SLX4IP: variants seen among roughly 807,000 people sequenced by gnomAD.
SLX4IP encodes the protein SLX4 interacting protein, also known as protein SLX4IP.
A neutral mutation model predicts 32.9 loss-of-function variants in SLX4IP; 34 were observed. That is an observed-to-expected ratio of 1.03 (90% CI 0.79 to 1.38). SLX4IP has a LOEUF of 1.38. Ranked by LOEUF, SLX4IP falls within the 40% of genes most tolerant of loss-of-function variation. The pLI, the probability that SLX4IP is intolerant of heterozygous loss-of-function variation, is 0.00. For synonymous variants in SLX4IP, 172 were observed against 171.7 expected (o/e 1.00, Z -0.01); for missense variants, 444 against 479.0 (o/e 0.93, Z 0.68).
intron 2 of SLX4IP, among the ~76,000 whole-genome samples, chr20:10,531,378 C>T (rs547181590): frequency 6.6e-6 from 1 of 152,280 alleles, no homozygotes; most frequent in East Asian, 1.9e-4. Context: ...ATTATATGTC[C>T]TCTATGGTCT....
Position 10,623,283 on chromosome 20 carries a change from G to A in SLX4IP, c.1131G>A (p.Gln377=). The change falls in exon 8 of 8, where the codon CAG becomes CAA. Residue 377 remains glutamine, a synonymous_variant. Transcript: ENST00000334534. ...ATCTTATGAAAAATAACCCAGGGCA[G>A]GCACAGCAAACCGGCTTAGCCACAA... ...SRHLMKNNPG[Q]AQQTGLATNT... 6.2e-7 allele frequency: 1 copy of A among 1,614,152 alleles called. No homozygotes were observed. Among genetic ancestry groups the A allele is most frequent in the Non-Finnish European group, 8.5e-7 (1 of 1,180,030 alleles).
intron 2 of SLX4IP, among the ~76,000 whole-genome samples, chr20:10,502,586 A>G (rs896934204): frequency 4.2e-5 from 6 of 142,634 alleles, no homozygotes; most frequent in East Asian, 3.9e-4. Flanking sequence ...GCTGCCTACA[A>G]TGCTCTTCCC....
intron 4 of SLX4IP, among the ~76,000 whole-genome samples, chr20:10,561,832 C>T (rs1172793283): frequency 1.3e-5 from 2 of 152,196 alleles, no homozygotes; most frequent in Non-Finnish European, 2.9e-5. Flanking sequence ...GCCATTAATT[C>T]ATTCCTTTTT....
Position 10,601,798 on chromosome 20 carries a change from A to G in SLX4IP, c.384A>G (p.Leu128=). 1 of 1,613,976 alleles carries G rather than the reference A, an allele frequency of 6.2e-7. No homozygotes were observed. The highest frequency in any genetic ancestry group is 8.5e-7 in the Non-Finnish European group (1 of 1,179,882). Residue 128 remains leucine (L), a synonymous_variant, in exon 6 of 8, where the codon TTA becomes TTG. Transcript: ENST00000334534. The part of the protein sequence containing the change: ...VSQLAFSRDL[L]ASQNEDLTER... ...AGCTTGCATTCAGTCGTGATCTTTT[A>G]GCAAGTCAGAATGAAGATTTGGTGA...
intron 6 of SLX4IP, chr20:10,613,475 T>A: frequency 6.2e-7 from 1 of 1,602,358 alleles, no homozygotes; most frequent in Non-Finnish European, 8.5e-7. Context: ...TTTTCCCTCC[T>A]CCTTTGGAAG....
chr20:10,447,693 TTTC>T (rs2122326037), intron 1 of SLX4IP, among the ~76,000 whole-genome samples: 1 of 152,110 alleles, frequency 6.6e-6, no homozygotes, highest in East Asian at 1.9e-4. Context: ...ATGTGCCTTT[TTTC>T]TTCTTTAGTT....
intron 1 of SLX4IP, among the ~76,000 whole-genome samples, chr20:10,445,172 A>G (rs1331782981): frequency 6.6e-6 from 1 of 152,024 alleles, no homozygotes; most frequent in Non-Finnish European, 1.5e-5. Flanking sequence ...GGCCTAAATA[A>G]CAGAAGGGAT....
intron 2 of SLX4IP, among the ~76,000 whole-genome samples, chr20:10,552,786 A>G (rs2066230302): frequency 6.6e-6 from 1 of 151,892 alleles, no homozygotes; most frequent in South Asian, 2.1e-4. Flanking sequence ...CTGTTACAGT[A>G]TCAATTCAAG....
intron 2 of SLX4IP, among the ~76,000 whole-genome samples, chr20:10,498,901 G>A (rs371211876): frequency 7.9e-5 from 12 of 151,878 alleles, no homozygotes; most frequent in Non-Finnish European, 1.5e-4. Flanking sequence ...GAACAATAGC[G>A]ATTCTTATTG....
intron 2 of SLX4IP, among the ~76,000 whole-genome samples, chr20:10,525,106 T>C (rs80259603): frequency 6.6e-6 from 1 of 152,222 alleles, no homozygotes; most frequent in Non-Finnish European, 1.5e-5. Flanking sequence ...ATAAAATCTT[T>C]ACAATCTGAT....
At chr20:10,556,627 T>C (rs926113550) in intron 3 of SLX4IP, among the ~76,000 whole-genome samples, 5 of 152,204 alleles carry the variant, frequency 3.3e-5, no homozygotes, top group Non-Finnish European at 7.3e-5. Context: ...TTAAAGTGAC[T>C]ATTTCAGTAA....
At chr20:10,446,198 G>A (rs1012784322) in intron 1 of SLX4IP, among the ~76,000 whole-genome samples, 9 of 151,806 alleles carry the variant, frequency 5.9e-5, no homozygotes, top group Admixed American at 5.9e-4. Flanking sequence ...TGGATCACAA[G>A]GTCAGGAGTT....
Position 10,627,485 on chromosome 20 carries a change from T to C in SLX4IP, c.*4106T>C, listed in dbSNP as rs2067186644. 1.3e-5 allele frequency: 2 copies of C among 152,224 alleles called. No homozygotes were observed. The highest frequency in any genetic ancestry group is 4.8e-5 in the African/African-American group (2 of 41,450). The allele number at this position is 152,224 out of a possible 1,614,324, so 9.4% of individuals were successfully genotyped here. On this transcript the variant is annotated 3_prime_UTR_variant, in exon 8 of 8. Transcript: ENST00000334534. ...TATCATTGGTATTGCAATTTAAGGG[T>C]ATAATTAAATTCTCAGAAATCTGCA...
chr20:10,440,232 A>G lies in SLX4IP; in HGVS notation c.-30+4779A>G, dbSNP rs1445808647. 2.0e-5 allele frequency among the ~76,000 whole-genome samples: 3 copies of G among 151,620 alleles called. No homozygotes were observed. The East Asian group carries it at 5.8e-4, about 29-fold the overall frequency. ...CACTTTGGGAGGCCGAGGCTGGCGGATCACTTGAGATCAGGAGTTTGAGAC... is the reference window on the plus strand; with the variant it reads ...CACTTTGGGAGGCCGAGGCTGGCGGGTCACTTGAGATCAGGAGTTTGAGAC... On this transcript the variant is annotated intron_variant, in intron 1 of 7. Transcript: ENST00000334534.
At chr20:10,439,097 T>G (rs1427475553) in intron 1 of SLX4IP, among the ~76,000 whole-genome samples, 1 of 152,184 alleles carries the variant, frequency 6.6e-6, no homozygotes, top group Admixed American at 6.5e-5. Context: ...TGTGTAGATA[T>G]ATAATAATTT....
At chr20:10,438,962 C>T (rs1237079482) in intron 1 of SLX4IP, among the ~76,000 whole-genome samples, 1 of 151,962 alleles carries the variant, frequency 6.6e-6, no homozygotes, top group Non-Finnish European at 1.5e-5. Context: ...GCCTCAGCCT[C>T]CCAAAGCACT....
At chr20:10,530,181 G>C (rs937508006) in intron 2 of SLX4IP, among the ~76,000 whole-genome samples, 1 of 152,228 alleles carries the variant, frequency 6.6e-6, no homozygotes, top group Non-Finnish European at 1.5e-5. Flanking sequence ...GAGTAAGGCG[G>C]TGCAGTCTCA....
At chr20:10,443,322 A>G (rs1600875765) in intron 1 of SLX4IP, among the ~76,000 whole-genome samples, 1 of 152,332 alleles carries the variant, frequency 6.6e-6, no homozygotes, top group African/African-American at 2.4e-5. Flanking sequence ...CACCCCAAAT[A>G]TTAAAGAGGA....
At chr20:10,514,043 T>A (rs1450688101) in intron 2 of SLX4IP, among the ~76,000 whole-genome samples, 2 of 152,142 alleles carry the variant, frequency 1.3e-5, no homozygotes, top group Non-Finnish European at 2.9e-5. Flanking sequence ...TTCTGGGTGG[T>A]ATTTTTTTGT....
Sources: allele counts gnomAD v4.1 joint callset (sites outside exome capture counted in the v4.1 genomes callset), GRCh38; gene constraint gnomAD v4.1.1; transcripts MANE v1.5; gene names NCBI Gene and HGNC (gene_info 2026-07-23, HGNC 2026-07-21).